Variants in SSH2 observed in about 807,000 individuals in gnomAD.
The protein encoded by SSH2 is slingshot protein phosphatase 2, also known as protein phosphatase Slingshot homolog 2.
SSH2 carries 37 observed loss-of-function variants against 135.2 expected under a neutral mutation model. The ratio of observed to expected loss-of-function variants is 0.27; its 90% CI spans 0.21 to 0.36. SSH2 has a LOEUF of 0.36. Among genes scored for constraint, SSH2 ranks in the 10% least tolerant of loss-of-function variants. The probability of loss-of-function intolerance (pLI) is 1.00; values close to 1 mark genes in which losing one functional copy is unlikely to be tolerated. For synonymous variants in SSH2, 628 were observed against 646.2 expected (o/e 0.97, Z 0.43); for missense variants, 1,408 against 1,765.3 (o/e 0.80, Z 3.63).
At chr17:29,838,922 C>T in intron 2 of SSH2, 1 of 162,922 alleles carries the variant, frequency 6.1e-6, no homozygotes, top group Non-Finnish European at 1.3e-5. Context: ...GTGCCCTTTG[C>T]TCACCATGTT....
chr17:29,795,214 T>C (rs1234417801), intron 2 of SSH2, among the ~76,000 whole-genome samples: 1 of 152,224 alleles, frequency 6.6e-6, no homozygotes, highest in Non-Finnish European at 1.5e-5. Flanking sequence ...CCAGCTGCAA[T>C]CTGGTTTCTT....
At chr17:29,698,493 A>AT (rs1415950304) in intron 4 of SSH2, among the ~76,000 whole-genome samples, 2 of 151,924 alleles carry the variant, frequency 1.3e-5, no homozygotes, top group African/African-American at 4.8e-5. Flanking sequence ...TTTTTATTTT[A>AT]TTTTTTTCTT....
chr17:29,911,699 C>T lies in SSH2; in HGVS notation c.63+18239G>A, dbSNP rs186567410. ...CCCAAAAAACACTGCTAACAAGTCTCTATACCAGGACTTAAACTCAAGCTT... is the reference window on the plus strand; with the variant it reads ...CCCAAAAAACACTGCTAACAAGTCTTTATACCAGGACTTAAACTCAAGCTT... On this transcript the variant is annotated intron_variant, in intron 1 of 15. Coordinates refer to ENST00000540801, the MANE Select transcript of SSH2 (RefSeq NM_001282129.2). Among the ~76,000 whole-genome samples, 116 of 152,298 alleles carry T rather than the reference C, an allele frequency of 7.6e-4. 1 individual carries two copies. Among genetic ancestry groups the T allele is most frequent in the Middle Eastern group, 6.8e-3 (2 of 294 alleles).
intron 3 of SSH2, among the ~76,000 whole-genome samples, chr17:29,708,871 CCTTT>C (rs1319821351): frequency 6.6e-6 from 1 of 150,898 alleles, no homozygotes; most frequent in African/African-American, 2.4e-5. Context: ...GACAGAATCA[CCTTT>C]CTAATAGAGC....
chr17:29,926,277 G>A (rs139729110), intron 1 of SSH2, among the ~76,000 whole-genome samples: 1 of 151,908 alleles, frequency 6.6e-6, no homozygotes, highest in Non-Finnish European at 1.5e-5. Flanking sequence ...GGTGGCTCAT[G>A]CCTGTAATCC....
intron 9 of SSH2, among the ~76,000 whole-genome samples, chr17:29,670,291 T>G (rs1205469347): frequency 6.6e-6 from 1 of 152,300 alleles, no homozygotes; most frequent in East Asian, 1.9e-4. Context: ...CATCCATTTC[T>G]CTGAAACCCA....
intron 14 of SSH2, among the ~76,000 whole-genome samples, chr17:29,646,079 G>C (rs761259928): frequency 6.6e-6 from 1 of 152,106 alleles, no homozygotes; most frequent in South Asian, 2.1e-4. Flanking sequence ...AAACCACCTA[G>C]AATATACCTA....
rs981751870 is a variant in SSH2, at chr17:29,881,986, G to T, written c.64-33057C>A. Among the ~76,000 whole-genome samples, 4 of 152,080 alleles carry T rather than the reference G, an allele frequency of 2.6e-5. 1 individual carries two copies. Among genetic ancestry groups the T allele is most frequent in the Non-Finnish European group, 4.4e-5 (3 of 68,010 alleles). The stretch of plus-strand genomic sequence containing the variant: ...AAACATTTCAATTGAGGAAAAAACT[G>T]CATTATTTGCTTCTTAAGATGTACA... On this transcript the variant is annotated intron_variant, in intron 1 of 15. Coordinates refer to ENST00000540801, the MANE Select transcript of SSH2 (RefSeq NM_001282129.2).
intron 3 of SSH2, among the ~76,000 whole-genome samples, chr17:29,760,505 A>G (rs1332217149): frequency 6.6e-6 from 1 of 152,208 alleles, no homozygotes; most frequent in Non-Finnish European, 1.5e-5. Flanking sequence ...GTGGAATGAC[A>G]ACTCTCTAGA....
At chr17:29,804,307 T>C (rs560153722) in intron 2 of SSH2, among the ~76,000 whole-genome samples, 8 of 152,334 alleles carry the variant, frequency 5.3e-5, no homozygotes, top group African/African-American at 1.9e-4. Context: ...ATTTCTCTAG[T>C]GTTTCTTTTA....
chr17:29,739,654 C>T (rs1479011909), intron 3 of SSH2, among the ~76,000 whole-genome samples: 2 of 152,140 alleles, frequency 1.3e-5, no homozygotes, highest in African/African-American at 2.4e-5. Flanking sequence ...ATATGACTTG[C>T]CTTTCTTTCC....
intron 2 of SSH2, among the ~76,000 whole-genome samples, chr17:29,836,178 CT>C (rs1023767147): frequency 3.3e-5 from 5 of 152,040 alleles, no homozygotes; most frequent in Admixed American, 6.6e-5. Context: ...TGAGCATAGC[CT>C]TGGAAATCAG....
chr17:29,897,960 C>T (rs959197895), intron 1 of SSH2, among the ~76,000 whole-genome samples: 7 of 152,096 alleles, frequency 4.6e-5, no homozygotes, highest in Non-Finnish European at 5.9e-5. Context: ...ACCTGGAACT[C>T]GGGATCAAGA....
intron 3 of SSH2, among the ~76,000 whole-genome samples, chr17:29,781,522 C>T (rs549990190): frequency 8.2e-5 from 12 of 146,492 alleles, no homozygotes; most frequent in South Asian, 6.5e-4. Flanking sequence ...CTCCATTGCC[C>T]GGGCTAGAGT....
intron 2 of SSH2, among the ~76,000 whole-genome samples, chr17:29,801,130 G>A (rs550901168): frequency 6.6e-6 from 1 of 152,216 alleles, no homozygotes; most frequent in East Asian, 1.9e-4. Flanking sequence ...CTCCCAAAGT[G>A]CTGGGATTAC....
intron 2 of SSH2, among the ~76,000 whole-genome samples, chr17:29,804,704 CT>C: frequency 6.6e-6 from 1 of 152,266 alleles, no homozygotes; most frequent in East Asian, 1.9e-4. Context: ...CAGGGTCATG[CT>C]CTGTTGCCCA....
intron 3 of SSH2, among the ~76,000 whole-genome samples, chr17:29,730,100 G>C (rs563579758): frequency 1.3e-5 from 2 of 152,078 alleles, no homozygotes; most frequent in East Asian, 3.9e-4. Context: ...ATGGGCAAAT[G>C]GCTTGAGCTC....
intron 14 of SSH2, among the ~76,000 whole-genome samples, chr17:29,640,398 C>T (rs1263166849): frequency 1.3e-5 from 2 of 152,122 alleles, no homozygotes; most frequent in Non-Finnish European, 2.9e-5. Context: ...GTTTTTTAAA[C>T]TGCCTGCAGA....
chr17:29,784,811 C>A (rs1488009756), intron 3 of SSH2, among the ~76,000 whole-genome samples: 1 of 152,102 alleles, frequency 6.6e-6, no homozygotes, highest in Non-Finnish European at 1.5e-5. Context: ...CTTCCATTCT[C>A]CCCACTCTCC....
Sources: gnomAD v4.1 joint callset for allele counts (sites outside exome capture counted in the v4.1 genomes callset) on GRCh38, gnomAD v4.1.1 for gene constraint, MANE v1.5 for transcripts, NCBI Gene and HGNC (gene_info 2026-07-23, HGNC 2026-07-21) for gene names.